Variants in SLC35F3 observed in about 807,000 individuals in gnomAD.
The protein encoded by SLC35F3 is putative thiamine transporter SLC35F3.
SLC35F3 carries 25 observed loss-of-function variants against 49.9 expected under a neutral mutation model. That is an observed-to-expected ratio of 0.50 (90% CI 0.37 to 0.70). The LOEUF is 0.70. Ranked by LOEUF, SLC35F3 falls within the 30% of genes least tolerant of loss-of-function variation. The pLI, the probability that SLC35F3 is intolerant of heterozygous loss-of-function variation, is 0.00. For missense variants in SLC35F3, 525 were observed against 639.8 expected (o/e 0.82, Z 1.94); for synonymous variants, 275 against 265.4 (o/e 1.04, Z -0.35).
intron 2 of SLC35F3, among the ~76,000 whole-genome samples, chr1:234,042,475 G>T (rs1256947872): frequency 6.6e-6 from 1 of 151,966 alleles, no homozygotes; most frequent in Non-Finnish European, 1.5e-5. Flanking sequence ...AGAATAAAAA[G>T]AATCCAAATG....
intron 2 of SLC35F3, among the ~76,000 whole-genome samples, chr1:233,989,323 T>C (rs960742707): frequency 4.5e-4 from 68 of 152,386 alleles, no homozygotes; most frequent in African/African-American, 1.6e-3. Flanking sequence ...TGAAAACTTT[T>C]TTGTTTCATA....
chr1:234,127,344 T>C (rs1665664691), intron 2 of SLC35F3, among the ~76,000 whole-genome samples: 2 of 152,220 alleles, frequency 1.3e-5, no homozygotes, highest in African/African-American at 4.8e-5. Context: ...TCTCATCTTA[T>C]GTAAATGTCT....
At chr1:233,958,901 C>G (rs1662748658) in intron 2 of SLC35F3, among the ~76,000 whole-genome samples, 1 of 152,126 alleles carries the variant, frequency 6.6e-6, no homozygotes, top group African/African-American at 2.4e-5. Flanking sequence ...AAATGTTACC[C>G]TTTTTTCCAT....
intron 2 of SLC35F3, among the ~76,000 whole-genome samples, chr1:233,994,902 G>C (rs974597549): frequency 6.6e-5 from 10 of 151,816 alleles, no homozygotes; most frequent in African/African-American, 2.2e-4. Context: ...ATCATAACCT[G>C]ATGGGAAGAA....
Position 233,905,026 on chromosome 1 carries a change from C to G in SLC35F3, c.-52C>G. On this transcript the variant is annotated 5_prime_UTR_variant, in exon 1 of 8. Coordinates refer to ENST00000366618, the MANE Select transcript of SLC35F3 (RefSeq NM_173508.4). ...AGCGGCTGCAGGGAGCTCCGGCCCG[C>G]GGCCCCTCCGCCTCAAGTCTGGGAG... 6.5e-7 allele frequency: 1 copy of G among 1,536,712 alleles called. No individual in the cohort carries two copies. The highest frequency in any genetic ancestry group is 1.2e-5 in the South Asian group (1 of 82,770).
intron 2 of SLC35F3, among the ~76,000 whole-genome samples, chr1:234,193,956 G>C (rs1263672850): frequency 6.6e-6 from 1 of 152,168 alleles, no homozygotes; most frequent in African/African-American, 2.4e-5. Flanking sequence ...ATAGATGTTG[G>C]CATGGATATG....
rs148449471 is a variant in SLC35F3 at position 234,139,468 on chromosome 1, A to G, written c.284-91949A>G. On this transcript the variant is annotated intron_variant, in intron 2 of 7. Coordinates refer to ENST00000366618, the MANE Select transcript of SLC35F3 (RefSeq NM_173508.4). ...ATCCTCTAAGTAAAGGCACTCTACA[A>G]TAGTCTATGAAAATGTAATATGGGA... Among the ~76,000 whole-genome samples, 506 of 152,288 alleles carry G rather than the reference A, an allele frequency of 3.3e-3. 5 individuals are homozygous for G. The highest frequency in any genetic ancestry group is 0.011 in the African/African-American group (472 of 41,562).
intron 2 of SLC35F3, among the ~76,000 whole-genome samples, chr1:234,166,500 G>A (rs1248308679): frequency 3.9e-5 from 6 of 152,150 alleles, no homozygotes; most frequent in Admixed American, 3.9e-4. Context: ...CTTGCAGGAA[G>A]GGCAGCAGCT....
intron 3 of SLC35F3, among the ~76,000 whole-genome samples, chr1:234,257,111 CTGAGA>C (rs1289316649): frequency 1.3e-5 from 2 of 152,122 alleles, no homozygotes; most frequent in Non-Finnish European, 1.5e-5. Context: ...ATTTTTTAAA[CTGAGA>C]TAAGTAGGTT....
rs1572134909 is a variant in SLC35F3, at chr1:234,285,385, A to G, written c.609-23716A>G. 8.5e-6 allele frequency: 4 copies of G among 470,952 alleles called. No individual in the cohort carries two copies. In the East Asian group the frequency reaches 2.6e-4, roughly 31 times the overall value. The allele number at this position is 470,952 out of a possible 1,614,324, so 29.2% of individuals were successfully genotyped here. On this transcript the variant is annotated intron_variant, in intron 3 of 7. Coordinates refer to ENST00000366618, the MANE Select transcript of SLC35F3 (RefSeq NM_173508.4). ...GTTGCTTGTTCAGTATCTCAAGCCA[A>G]GAGAGATGAATTAATCCTTGAAGAA... is the stretch of plus-strand genomic sequence containing the variant.
intron 2 of SLC35F3, among the ~76,000 whole-genome samples, chr1:234,176,451 T>C (rs1009211988): frequency 2.6e-5 from 4 of 152,178 alleles, no homozygotes; most frequent in African/African-American, 9.7e-5. Context: ...CTTGTTCCAC[T>C]CACAGCACCT....
chr1:234,218,752 T>TGTAGATGCTCA (rs1166322070), intron 2 of SLC35F3, among the ~76,000 whole-genome samples: 1 of 152,170 alleles, frequency 6.6e-6, no homozygotes, highest in East Asian at 1.9e-4. Context: ...CATGGCACTT[T>TGTAGATGCTCA]GTAGATGCTC....
intron 2 of SLC35F3, among the ~76,000 whole-genome samples, chr1:234,107,090 A>C (rs1438062698): frequency 6.6e-6 from 1 of 152,164 alleles, no homozygotes; most frequent in Non-Finnish European, 1.5e-5. Context: ...GGAGGTCTCT[A>C]CTGAGCCGAG....
chr1:234,053,897 A>G (rs796305000), intron 2 of SLC35F3, among the ~76,000 whole-genome samples: 1 of 152,202 alleles, frequency 6.6e-6, no homozygotes, highest in African/African-American at 2.4e-5. Context: ...TCCTTCAATT[A>G]TGAAGCTTAG....
intron 3 of SLC35F3, among the ~76,000 whole-genome samples, chr1:234,273,394 A>G (rs538447737): frequency 3.7e-4 from 56 of 151,742 alleles, no homozygotes; most frequent in African/African-American, 1.3e-3. Flanking sequence ...AGCCCAGGCA[A>G]CCCCCCTCCC....
At chr1:233,980,765 C>G (rs16859898) in intron 2 of SLC35F3, among the ~76,000 whole-genome samples, 1,658 of 152,218 alleles carry the variant, frequency 0.011, 16 homozygotes, top group Middle Eastern at 0.027. Flanking sequence ...AATTTGAGCT[C>G]CCTTCACATC....
intron 3 of SLC35F3, among the ~76,000 whole-genome samples, chr1:234,260,522 T>C (rs1295218280): frequency 1.3e-5 from 2 of 152,176 alleles, no homozygotes; most frequent in Non-Finnish European, 2.9e-5. Context: ...TGGACGGAGA[T>C]CATGGTCTTC....
At chr1:234,197,238 C>T (rs945018441) in intron 2 of SLC35F3, among the ~76,000 whole-genome samples, 1 of 152,182 alleles carries the variant, frequency 6.6e-6, no homozygotes, top group Non-Finnish European at 1.5e-5. Context: ...GAGACAGGGA[C>T]CCTATCATGA....
intron 2 of SLC35F3, among the ~76,000 whole-genome samples, chr1:234,011,042 T>C (rs1663709694): frequency 6.6e-6 from 1 of 152,190 alleles, no homozygotes; most frequent in South Asian, 2.1e-4. Context: ...AAGAGTTAAG[T>C]TCCTATGGCA....
Sources: gnomAD v4.1 joint callset for allele counts (sites outside exome capture counted in the v4.1 genomes callset) on GRCh38, gnomAD v4.1.1 for gene constraint, MANE v1.5 for transcripts, NCBI Gene and HGNC (gene_info 2026-07-23, HGNC 2026-07-21) for gene names.